The following IL1RAPL2 variants were observed in gnomAD, a reference collection of about 807,000 sequenced individuals.
IL1RAPL2 encodes the protein interleukin 1 receptor accessory protein like 2.
A neutral mutation model predicts 44.1 loss-of-function variants in IL1RAPL2; 3 were observed. The observed-to-expected ratio is 0.07, with a 90% CI of 0.03 to 0.18. IL1RAPL2 has a LOEUF of 0.18. Ranked by LOEUF, IL1RAPL2 falls within the 10% of genes least tolerant of loss-of-function variation. The probability of loss-of-function intolerance (pLI) is 1.00; values close to 1 mark genes in which losing one functional copy is unlikely to be tolerated. For missense variants in IL1RAPL2, 391 were observed against 496.4 expected, an observed-to-expected ratio of 0.79 and a Z score of 2.02; for synonymous variants, 181 against 178.8, an observed-to-expected ratio of 1.01 and a Z score of -0.10.
At chrX:105,531,067 C>A (rs1325181545) in intron 6 of IL1RAPL2, among the ~76,000 whole-genome samples, 2 of 111,807 alleles carry the variant, frequency 1.8e-5, no homozygotes, top group East Asian at 5.7e-4. Context: ...CTTCAATATA[C>A]TGGTTTCCTT....
intron 2 of IL1RAPL2, among the ~76,000 whole-genome samples, chrX:104,893,480 G>A (rs984985486): frequency 2.2e-4 from 25 of 111,573 alleles, no homozygotes; most frequent in Non-Finnish European, 4.3e-4. Flanking sequence ...CCTGTATTAG[G>A]TGCATATATA....
At chrX:104,916,925 G>T (rs1164440324) in intron 2 of IL1RAPL2, among the ~76,000 whole-genome samples, 5 of 111,490 alleles carry the variant, frequency 4.5e-5, no homozygotes, top group Admixed American at 2.9e-4. Flanking sequence ...AAGCCCACTT[G>T]ATCATGGTGG....
intron 2 of IL1RAPL2, among the ~76,000 whole-genome samples, chrX:104,696,998 T>C (rs1181588565): frequency 8.9e-6 from 1 of 112,512 alleles, no homozygotes; most frequent in African/African-American, 3.2e-5. Flanking sequence ...AATATCTGGA[T>C]TTATAAAACA....
At chrX:104,791,507 C>A (rs936204871) in intron 2 of IL1RAPL2, among the ~76,000 whole-genome samples, 3 of 111,665 alleles carry the variant, frequency 2.7e-5, no homozygotes, top group Admixed American at 9.5e-5. Flanking sequence ...TGTTTGTGTG[C>A]AAACACACAC....
At chrX:105,070,778 T>A (rs2032197671) in intron 2 of IL1RAPL2, among the ~76,000 whole-genome samples, 1 of 110,277 alleles carries the variant, frequency 9.1e-6, no homozygotes, top group Non-Finnish European at 1.9e-5. Flanking sequence ...AATATAAAAG[T>A]ATACAGAACA....
At chrX:105,040,036 T>C (rs1166559623) in intron 2 of IL1RAPL2, among the ~76,000 whole-genome samples, 1 of 110,651 alleles carries the variant, frequency 9.0e-6, no homozygotes, top group Non-Finnish European at 1.9e-5. Context: ...ATAGCTCTTA[T>C]TATTTTGAGA....
chrX:105,618,862 G>T (rs1032822274), intron 6 of IL1RAPL2, among the ~76,000 whole-genome samples: 8 of 111,469 alleles, frequency 7.2e-5, no homozygotes, highest in Non-Finnish European at 1.5e-4. Flanking sequence ...GCGCGATCCA[G>T]ATTCCCCTTC....
At chrX:104,633,894 T>G (rs1226797240) in intron 1 of IL1RAPL2, among the ~76,000 whole-genome samples, 1 of 111,600 alleles carries the variant, frequency 9.0e-6, no homozygotes, top group Admixed American at 9.5e-5. Context: ...AGCTTTTGAA[T>G]GTGTTTGCTC....
At chrX:105,387,187 A>G (rs1310414527) in intron 5 of IL1RAPL2, among the ~76,000 whole-genome samples, 2 of 108,606 alleles carry the variant, frequency 1.8e-5, no homozygotes, top group African/African-American at 6.7e-5. Context: ...CTGTAATAAG[A>G]TATTGTTAAC....
intron 2 of IL1RAPL2, among the ~76,000 whole-genome samples, chrX:104,785,028 T>C (rs1461009021): frequency 9.0e-6 from 1 of 111,115 alleles, no homozygotes; most frequent in Non-Finnish European, 1.9e-5. Context: ...TTCTTTTGTT[T>C]TTTTGAAACA....
chrX:104,904,787 G>A (rs1233657469), intron 2 of IL1RAPL2, among the ~76,000 whole-genome samples: 1 of 109,219 alleles, frequency 9.2e-6, no homozygotes, highest in East Asian at 2.9e-4. Context: ...CTTTATAGCA[G>A]CATGATTTAT....
intron 2 of IL1RAPL2, among the ~76,000 whole-genome samples, chrX:105,054,815 G>A (rs2031972568): frequency 8.9e-6 from 1 of 111,794 alleles, no homozygotes; most frequent in Admixed American, 9.5e-5. Flanking sequence ...TTGTCTGGCT[G>A]GCTGTGTAGA....
At chrX:105,224,362 G>C (rs2033995618) in intron 3 of IL1RAPL2, among the ~76,000 whole-genome samples, 1 of 111,955 alleles carries the variant, frequency 8.9e-6, no homozygotes, top group Non-Finnish European at 1.9e-5. Context: ...TATCCTTAGT[G>C]ATTCAAGTGA....
intron 5 of IL1RAPL2, among the ~76,000 whole-genome samples, chrX:105,455,652 C>T (rs1300062529): frequency 9.0e-6 from 1 of 111,216 alleles, no homozygotes; most frequent in Admixed American, 9.6e-5. Flanking sequence ...CTTATTTCTG[C>T]GTTCTCTGTT....
At chrX:104,897,853 T>A (rs1434426923) in intron 2 of IL1RAPL2, among the ~76,000 whole-genome samples, 1 of 111,972 alleles carries the variant, frequency 8.9e-6, no homozygotes, top group Non-Finnish European at 1.9e-5. Context: ...CTAGAGTTGC[T>A]GGCTACTTAA....
At chrX:105,404,861 A>G (rs900071742) in intron 5 of IL1RAPL2, among the ~76,000 whole-genome samples, 39 of 111,977 alleles carry the variant, frequency 3.5e-4, no homozygotes, top group African/African-American at 1.2e-3. Context: ...ATTTCGCCAT[A>G]CTTTCACAAG....
At chrX:105,481,510 A>C (rs1273820149) in intron 5 of IL1RAPL2, among the ~76,000 whole-genome samples, 1 of 112,446 alleles carries the variant, frequency 8.9e-6, no homozygotes, top group East Asian at 2.8e-4. Context: ...GCGGAAGATA[A>C]GGGAAGGGGA....
intron 5 of IL1RAPL2, among the ~76,000 whole-genome samples, chrX:105,325,280 A>C (rs1294853659): frequency 9.1e-6 from 1 of 110,464 alleles, no homozygotes; most frequent in Non-Finnish European, 1.9e-5. Context: ...AATTTTATAT[A>C]AAAGGAATCA....
chrX:105,755,075 A>G, intron 9 of IL1RAPL2, 102 bp from the exon 10 acceptor site: 2 of 504,875 alleles, frequency 4.0e-6, no homozygotes, highest in East Asian at 3.5e-5. Context: ...TTTTTTTCCA[A>G]TTATTAAAGA....
Sources: gnomAD v4.1 joint callset for allele counts (sites outside exome capture counted in the v4.1 genomes callset) on GRCh38, gnomAD v4.1.1 for gene constraint, MANE v1.5 for transcripts, NCBI Gene and HGNC (gene_info 2026-07-23, HGNC 2026-07-21) for gene names.